The following SREBF2 variants were observed in gnomAD, a reference collection of about 807,000 sequenced individuals.
The protein encoded by SREBF2 is sterol regulatory element binding transcription factor 2, also known as sterol regulatory element-binding protein 2.
Under a neutral mutation model 113.1 loss-of-function variants are expected in SREBF2, and 55 were observed. That is an observed-to-expected ratio of 0.49 (90% CI 0.39 to 0.61). The LOEUF (loss-of-function observed/expected upper bound fraction) is 0.61. Among genes scored for constraint, SREBF2 ranks in the 20% least tolerant of loss-of-function variants. The pLI, the probability that SREBF2 is intolerant of heterozygous loss-of-function variation, is 0.00. For synonymous variants in SREBF2, 593 were observed against 605.7 expected, an observed-to-expected ratio of 0.98 and a Z score of 0.31; for missense variants, 1,349 against 1,487.4, an observed-to-expected ratio of 0.91 and a Z score of 1.53.
At chr22:41,864,210 A>C (rs2077049465) in intron 1 of SREBF2, among the ~76,000 whole-genome samples, 2 of 102,962 alleles carry the variant, frequency 1.9e-5, no homozygotes, top group Non-Finnish European at 3.7e-5. Context: ...TATTTTTCCT[A>C]TCCTTCTGCA....
chr22:41,887,631 T>C (rs2077311764), intron 11 of SREBF2, among the ~76,000 whole-genome samples: 1 of 152,256 alleles, frequency 6.6e-6, no homozygotes, highest in Non-Finnish European at 1.5e-5. Context: ...ATGAACTTTT[T>C]AGTTGTTTTC....
intron 16 of SREBF2, 84 bp from the exon 17 acceptor site, chr22:41,902,886 G>A (rs1334998491): frequency 2.1e-6 from 3 of 1,433,618 alleles, no homozygotes; most frequent in East Asian, 2.5e-5. Flanking sequence ...TGTTGGTCTG[G>A]GGAGAGGCCT....
chr22:41,857,009 GTGAGC>G (rs1337080316), intron 1 of SREBF2, among the ~76,000 whole-genome samples: 1 of 150,816 alleles, frequency 6.6e-6, no homozygotes, highest in Non-Finnish European at 1.5e-5. Context: ...AGAAGTTGCA[GTGAGC>G]TGAGATCATG....
intron 1 of SREBF2, among the ~76,000 whole-genome samples, chr22:41,837,669 A>G (rs2076790559): frequency 6.6e-6 from 1 of 150,586 alleles, no homozygotes; most frequent in African/African-American, 2.5e-5. Flanking sequence ...GACCAGCCTG[A>G]CCAACATGGA....
At chr22:41,838,475 G>A (rs2076798790) in intron 1 of SREBF2, among the ~76,000 whole-genome samples, 1 of 152,122 alleles carries the variant, frequency 6.6e-6, no homozygotes, top group African/African-American at 2.4e-5. Flanking sequence ...GCTCATGCCT[G>A]TAATCCTAGC....
chr22:41,892,639 C>T (rs2077375117), intron 11 of SREBF2, among the ~76,000 whole-genome samples: 2 of 130,774 alleles, frequency 1.5e-5, no homozygotes, highest in African/African-American at 3.4e-5. Flanking sequence ...CAGAGCGAAA[C>T]TCCGTCTCAA....
chr22:41,879,664 C>T (rs2077227703), intron 9 of SREBF2, among the ~76,000 whole-genome samples: 1 of 152,158 alleles, frequency 6.6e-6, no homozygotes. Context: ...TTCCCTTGTC[C>T]AGTCCTGTAA....
Position 41,882,215 on chromosome 22 carries a change from T to C in SREBF2, c.2038+1223T>C, listed in dbSNP as rs976221970. 3.9e-5 allele frequency among the ~76,000 whole-genome samples: 6 copies of C among 152,260 alleles called. No homozygotes were observed. In the East Asian group the frequency reaches 1.2e-3, roughly 29 times the overall value. On this transcript the variant is annotated intron_variant, in intron 10 of 18. Coordinates refer to ENST00000361204, the MANE Select transcript of SREBF2 (RefSeq NM_004599.4). ...GGAATTGACTGGACTGGGGACTCAT[T>C]GGACTGATGGATGGGGACAGTAGTC...
intron 1 of SREBF2, among the ~76,000 whole-genome samples, chr22:41,845,491 C>T (rs1173421901): frequency 6.6e-6 from 1 of 152,156 alleles, no homozygotes; most frequent in South Asian, 2.1e-4. Flanking sequence ...GAATGAGTAT[C>T]CACTGTATTC....
intron 1 of SREBF2, among the ~76,000 whole-genome samples, chr22:41,862,013 C>A (rs1029356040): frequency 6.6e-6 from 1 of 151,396 alleles, no homozygotes; most frequent in South Asian, 2.1e-4. Flanking sequence ...CTAGGTTTCC[C>A]AGCCCCTAAT....
At chr22:41,834,100 G>A (rs924748252) in intron 1 of SREBF2, 2 of 152,392 alleles carry the variant, frequency 1.3e-5, no homozygotes, top group Non-Finnish European at 1.5e-5. Context: ...TAGGAGCCCA[G>A]GGATCCACTC....
intron 1 of SREBF2, among the ~76,000 whole-genome samples, chr22:41,858,951 G>A (rs1026779731): frequency 2.0e-5 from 3 of 152,074 alleles, no homozygotes; most frequent in African/African-American, 7.2e-5. Context: ...AGACCAGCCT[G>A]ACCAACATGG....
chr22:41,854,248 C>G lies in SREBF2; in HGVS notation c.89-12583C>G, dbSNP rs867767307. Among the ~76,000 whole-genome samples the G allele has an allele frequency of 2.0e-5, 3 of 151,644 alleles. No homozygotes were observed. In the South Asian group the frequency reaches 6.3e-4, roughly 32 times the overall value. On this transcript the variant is annotated intron_variant, in intron 1 of 18. Transcript: ENST00000361204. ...GCGCGATCTCGACTCACTGCAACCC[C>G]TGCCTCCCAGGTTCAAGTGATAACT...
At chr22:41,847,985 G>A (rs1007836061) in intron 1 of SREBF2, among the ~76,000 whole-genome samples, 23 of 150,110 alleles carry the variant, frequency 1.5e-4, no homozygotes, top group African/African-American at 2.2e-4. Flanking sequence ...GCGCAAACTC[G>A]GCTCAGTGCA....
rs1263554580 is a variant in SREBF2 at position 41,833,108 on chromosome 22, T to C, written c.-163T>C. On this transcript the variant is annotated 5_prime_UTR_variant, in exon 1 of 19. Coordinates refer to ENST00000361204, the MANE Select transcript of SREBF2 (RefSeq NM_004599.4). This position sits in a 1 kb window ranked among gnomAD's most constrained non-coding sequence, Gnocchi z 4.1. ...GGCGGGGGAATCCCGCCCCGCCCTT[T>C]CTGTGCGGCGCCCGGGCGCAACGCA... 3.9e-6 allele frequency: 2 copies of C among 512,328 alleles called. No individual in the cohort carries two copies. The highest frequency in any genetic ancestry group is 4.4e-5 in the Admixed American group (1 of 22,988). The allele number at this position is 512,328 out of a possible 1,614,324, so 31.7% of individuals were successfully genotyped here. A position where few individuals can be genotyped will look rare whatever the true frequency, so the allele number is the denominator to read the frequency against.
In SREBF2 at chr22:41,874,022, G is replaced by A. The variant is rs372325735; in HGVS notation, c.1089+3G>A. ...TGGTCATGGGGACAGACGCCAAGGT[G>A]GGTGCCAAGCAAAATTGTGTTTTAT... On this transcript the variant is annotated splice_donor_region_variant and intron_variant, in intron 5 of 18. Transcript: ENST00000361204. The A allele has an allele frequency of 1.2e-6, 2 of 1,613,976 alleles. No homozygotes were observed. Among genetic ancestry groups the A allele is most frequent in the African/African-American group, 2.7e-5 (2 of 74,892 alleles).
chr22:41,858,413 G>A (rs1434005293), intron 1 of SREBF2, among the ~76,000 whole-genome samples: 6 of 152,132 alleles, frequency 3.9e-5, no homozygotes, highest in Non-Finnish European at 1.5e-5. Context: ...TTCTGCTATA[G>A]TTCATCATGT....
intron 1 of SREBF2, among the ~76,000 whole-genome samples, chr22:41,835,103 C>T (rs1211067322): frequency 6.6e-6 from 1 of 151,982 alleles, no homozygotes; most frequent in East Asian, 1.9e-4. Flanking sequence ...CATTCCTATT[C>T]CATGATCAAT....
chr22:41,882,707 A>G (rs1157570444), intron 10 of SREBF2, among the ~76,000 whole-genome samples: 2 of 152,164 alleles, frequency 1.3e-5, no homozygotes, highest in Non-Finnish European at 2.9e-5. Flanking sequence ...TCGAGAGGCT[A>G]AGGCAGGAGA....
Sources: gnomAD v4.1 joint callset for allele counts (sites outside exome capture counted in the v4.1 genomes callset) on GRCh38, gnomAD v4.1.1 for gene constraint, Gnocchi (gnomAD v3.1) non-coding constraint, MANE v1.5 for transcripts, NCBI Gene and HGNC (gene_info 2026-07-23, HGNC 2026-07-21) for gene names.